NOC3L: variants seen among roughly 807,000 people sequenced by gnomAD.
NOC3L encodes the protein NOC3 like DNA replication regulator, also known as nucleolar complex protein 3 homolog.
Under a neutral mutation model 102.5 loss-of-function variants are expected in NOC3L, and 85 were observed. The ratio of observed to expected loss-of-function variants is 0.83; its 90% confidence interval spans 0.70 to 0.99. NOC3L has a LOEUF of 0.99. Ranked by LOEUF, NOC3L falls within the 50% of genes least tolerant of loss-of-function variation. The pLI, the probability that NOC3L is intolerant of heterozygous loss-of-function variation, is 0.00. For missense variants in NOC3L, 878 were observed against 914.9 expected, an observed-to-expected ratio of 0.96 and a Z score of 0.52; for synonymous variants, 303 against 309.4, an observed-to-expected ratio of 0.98 and a Z score of 0.22.
rs1329583183 is a variant in NOC3L at position 94,357,318 on chromosome 10, C to T, written c.364G>A (p.Ala122Thr). The stretch of plus-strand genomic sequence containing the variant: ...ATGCGTTCATGCTTCCGTTTCTTCG[C>T]ATGAACAGGCTCACTGCAGGGGAAA... ...RDLSSSEPVH[A>T]KKRKHERIID... Residue 122 changes from alanine (A) to threonine (T), a missense_variant, in exon 4 of 21, where the codon GCG becomes ACG. Transcript: ENST00000371361. 1.9e-6 allele frequency: 3 copies of T among 1,595,940 alleles called. No individual in the cohort carries two copies. The highest frequency in any genetic ancestry group is 2.6e-6 in the Non-Finnish European group (3 of 1,171,770).
chr10:94,350,637 G>T (rs1283089496), intron 8 of NOC3L, among the ~76,000 whole-genome samples: 1 of 149,596 alleles, frequency 6.7e-6, no homozygotes, highest in African/African-American at 2.5e-5. Context: ...GGAATCACTT[G>T]AACCTGGGAG....
chr10:94,343,396 A>C (rs1228846845), intron 13 of NOC3L, among the ~76,000 whole-genome samples: 2 of 152,316 alleles, frequency 1.3e-5, no homozygotes, highest in Middle Eastern at 3.4e-3. Context: ...ACAAAAATAA[A>C]AACAGCAAGT....
chr10:94,338,561 T>TTA (rs1667469179), intron 18 of NOC3L, 47 bp downstream of exon 18: 1 of 1,429,272 alleles, frequency 7.0e-7, no homozygotes, highest in African/African-American at 1.4e-5. Context: ...TGGAAAACAA[T>TTA]TATTCACAAA....
At chr10:94,320,598 GGA>G in the NOC3L span, among the ~76,000 whole-genome samples, 4 of 152,320 alleles carry the variant, frequency 2.6e-5, no homozygotes, top group African/African-American at 7.2e-5. Flanking sequence ...AGCCTGGTCT[GGA>G]GAGATGAGGC....
intron 2 of NOC3L, among the ~76,000 whole-genome samples, chr10:94,359,277 T>C (rs1018879790): frequency 5.9e-5 from 9 of 151,898 alleles, no homozygotes; most frequent in African/African-American, 1.9e-4. Context: ...ATACAAAAAA[T>C]TAGTGAGGCG....
the NOC3L span, among the ~76,000 whole-genome samples, chr10:94,320,261 C>A: frequency 1.3e-5 from 2 of 151,890 alleles, no homozygotes; most frequent in South Asian, 4.2e-4. Context: ...CTCTTCCCCC[C>A]CTTCCATTAT....
At chr10:94,346,289 T>A in intron 11 of NOC3L, 136 bp downstream of exon 11, 2 of 546,620 alleles carry the variant, frequency 3.7e-6, no homozygotes, top group Non-Finnish European at 5.8e-6. Flanking sequence ...CAGGAAAAGA[T>A]AAAATTCTCT....
chr10:94,334,946 G>C lies in NOC3L; in HGVS notation c.2190-228C>G, dbSNP rs182333174. On this transcript the variant is annotated intron_variant, in intron 19 of 20. Transcript: ENST00000371361. ...GGTTTGGTATACATTTAGCAATACA[G>C]GCATAGACTCCAGAGAGAAAGCTAA... Among the ~76,000 whole-genome samples, 67 of 152,286 alleles carry C rather than the reference G, an allele frequency of 4.4e-4. 1 individual carries two copies. In the East Asian group the frequency reaches 0.013, roughly 29 times the overall value.
chr10:94,356,001 C>T (rs145394140), intron 5 of NOC3L, among the ~76,000 whole-genome samples: 2 of 152,024 alleles, frequency 1.3e-5, no homozygotes, highest in African/African-American at 2.4e-5. Context: ...GTCTGCTAAG[C>T]GAAAGTAAAA....
intron 17 of NOC3L, 59 bp from the exon 18 acceptor site, chr10:94,338,795 T>A: frequency 2.0e-6 from 3 of 1,485,918 alleles, no homozygotes; most frequent in Admixed American, 1.8e-5. Flanking sequence ...ATAAGAGGTG[T>A]TACTGGTTTG....
intron 4 of NOC3L, 55 bp downstream of exon 4, chr10:94,357,119 T>A: frequency 1.6e-6 from 2 of 1,257,986 alleles, no homozygotes; most frequent in Admixed American, 2.8e-5. Flanking sequence ...AAAAAAAACA[T>A]GATATCAGTA....
chr10:94,329,782 A>AAAAAAAAAAC, downstream of NOC3L: 1 of 109,844 alleles, frequency 9.1e-6, no homozygotes, highest in East Asian at 3.3e-4. Flanking sequence ...GTCTCAAAAA[A>AAAAAAAAAAC]AAAAAAAAAA....
intron 19 of NOC3L, 85 bp from the exon 20 acceptor site, chr10:94,334,803 A>C: frequency 1.1e-6 from 1 of 950,910 alleles, no homozygotes; most frequent in Non-Finnish European, 1.6e-6. Flanking sequence ...AGAATGATTC[A>C]TTCTTAACCC....
chr10:94,324,684 G>A, the NOC3L span: 3 of 1,026,536 alleles, frequency 2.9e-6, no homozygotes, highest in South Asian at 2.6e-5. Context: ...AAGGAATGGA[G>A]TTAGGAGAAA....
chr10:94,358,619 TC>T (rs1331942776), intron 2 of NOC3L, among the ~76,000 whole-genome samples: 1 of 152,192 alleles, frequency 6.6e-6, no homozygotes, highest in Non-Finnish European at 1.5e-5. Flanking sequence ...CCTTCTCATC[TC>T]CAATTACTTT....
At chr10:94,348,074 A>G (rs1564913625) in intron 10 of NOC3L, among the ~76,000 whole-genome samples, 1 of 150,858 alleles carries the variant, frequency 6.6e-6, no homozygotes, top group Non-Finnish European at 1.5e-5. Flanking sequence ...ATCAGCAGAA[A>G]AAAAATGGTG....
downstream of NOC3L, chr10:94,328,273 G>A (rs1254127496): frequency 9.7e-6 from 2 of 205,378 alleles, no homozygotes; most frequent in African/African-American, 4.6e-5. Flanking sequence ...AGGGCTGGGG[G>A]CCATAAAATA....
Position 94,340,996 on chromosome 10 carries a change from A to AG in NOC3L, c.1645-501_1645-500insC, listed in dbSNP as rs1161717615. On this transcript the variant is annotated intron_variant, in intron 14 of 20. Transcript: ENST00000371361. The stretch of plus-strand genomic sequence containing the variant: ...ACTCCCTCTCAAAAAAAAAAAAAAA[A>AG]AAAATTTCTACAAAAAAATAGAAAA... Among the ~76,000 whole-genome samples the AG allele has an allele frequency of 6.8e-3, 588 of 86,900 alleles. 6 individuals carry two copies. The highest frequency in any genetic ancestry group is 0.01 in the Non-Finnish European group (391 of 38,992). The allele number at this position is 86,900 out of a possible 152,430, so 57.0% of individuals were successfully genotyped here.
downstream of NOC3L, chr10:94,331,665 A>AG (rs1158103933): frequency 6.6e-6 from 1 of 152,164 alleles, no homozygotes; most frequent in Non-Finnish European, 1.5e-5. Flanking sequence ...TAGAGAGAAA[A>AG]GGGAGATTGT....
Sources: gnomAD v4.1 joint callset for allele counts (sites outside exome capture counted in the v4.1 genomes callset) on GRCh38, gnomAD v4.1.1 for gene constraint, MANE v1.5 for transcripts, NCBI Gene and HGNC (gene_info 2026-07-23, HGNC 2026-07-21) for gene names.